Variants in FRMPD3 observed in about 807,000 individuals in gnomAD.
FRMPD3 encodes FERM and PDZ domain-containing protein 3.
Under a neutral mutation model 97.9 loss-of-function variants are expected in FRMPD3, and 42 were observed. That is an observed-to-expected ratio of 0.43 (90% CI 0.34 to 0.55). FRMPD3 has a LOEUF of 0.55. Among genes scored for constraint, FRMPD3 ranks in the 20% least tolerant of loss-of-function variants. FRMPD3 has a pLI of 0.03. For missense variants in FRMPD3, 1,303 were observed against 1,457.7 expected (o/e 0.89, Z 1.73); for synonymous variants, 577 against 581.1 (o/e 0.99, Z 0.10).
chrX:107,593,120 TTTTGA>T (rs1238329265), intron 13 of FRMPD3, among the ~76,000 whole-genome samples: 1 of 111,875 alleles, frequency 8.9e-6, no homozygotes, highest in Non-Finnish European at 1.9e-5. Context: ...TGCATTGTAA[TTTTGA>T]TTTGCATTTC....
intron 1 of FRMPD3, among the ~76,000 whole-genome samples, chrX:107,518,481 C>T (rs1347260467): frequency 9.0e-6 from 1 of 111,308 alleles, no homozygotes; most frequent in Non-Finnish European, 1.9e-5. Context: ...TCCTCGTCAC[C>T]CTGTGAATGT....
intron 12 of FRMPD3, among the ~76,000 whole-genome samples, chrX:107,566,595 T>C (rs1166228561): frequency 8.9e-6 from 1 of 112,450 alleles, no homozygotes; most frequent in Non-Finnish European, 1.9e-5. Flanking sequence ...TCCAACTGAG[T>C]CTTCTATGTT....
At chrX:107,529,668 C>T (rs1028344040) in intron 2 of FRMPD3, among the ~76,000 whole-genome samples, 3 of 111,743 alleles carry the variant, frequency 2.7e-5, no homozygotes, top group African/African-American at 9.8e-5. Flanking sequence ...CTTTGTTCCC[C>T]TCATTTATTG....
chrX:107,479,779 T>C (rs746089006), intron 1 of FRMPD3, among the ~76,000 whole-genome samples: 2 of 109,234 alleles, frequency 1.8e-5, no homozygotes, highest in African/African-American at 6.7e-5. Context: ...CACTGAATCA[T>C]ACACTTAACA....
chrX:107,579,619 CA>C (rs999330677), intron 13 of FRMPD3, among the ~76,000 whole-genome samples: 5 of 111,803 alleles, frequency 4.5e-5, no homozygotes, highest in African/African-American at 1.6e-4. Flanking sequence ...ATAGATACAA[CA>C]GAGCAGCGCC....
chrX:107,485,555 C>T (rs897416979), intron 1 of FRMPD3, among the ~76,000 whole-genome samples: 4 of 112,499 alleles, frequency 3.6e-5, no homozygotes, highest in African/African-American at 1.3e-4. Context: ...CACCTCAGTG[C>T]TGTGTTCAAT....
intron 2 of FRMPD3, among the ~76,000 whole-genome samples, chrX:107,528,140 A>G (rs913018843): frequency 3.6e-5 from 4 of 111,252 alleles, no homozygotes; most frequent in African/African-American, 1.3e-4. Context: ...GAACCACAAA[A>G]AGCCATGGGG....
chrX:107,494,156 A>G (rs1921725180), intron 1 of FRMPD3, among the ~76,000 whole-genome samples: 1 of 112,254 alleles, frequency 8.9e-6, no homozygotes, highest in Non-Finnish European at 1.9e-5. Flanking sequence ...CCTGCTATGC[A>G]TTTATGCATT....
chrX:107,579,138 C>T (rs1602843014), intron 13 of FRMPD3, among the ~76,000 whole-genome samples: 1 of 111,893 alleles, frequency 8.9e-6, no homozygotes, highest in East Asian at 2.8e-4. Flanking sequence ...CTGGGCTTTT[C>T]CCCCAGGGTC....
chrX:107,530,484 C>A lies in FRMPD3; in HGVS notation c.224C>A (p.Pro75Gln), dbSNP rs760069538. 1 of 1,191,067 alleles carries A rather than the reference C, an allele frequency of 8.4e-7. No individual in the cohort carries two copies. The highest frequency in any genetic ancestry group is 3.0e-5 in the East Asian group (1 of 33,094). The change falls in exon 3 of 15, where the codon CCG becomes CAG. Residue 75 changes from proline to glutamine, a missense_variant. Around this residue, in one of 3 missense-constraint regions of FRMPD3, gnomAD observed 535 missense variants for 618.6 expected, o/e 0.86. Coordinates refer to ENST00000683843, the MANE Select transcript of FRMPD3 (RefSeq NM_001388459.1). ...AATGAGGAAGACGTGAGTGAAGCCCCGAGGGAGAGACTCATAGAACTTATC... is the reference window on the plus strand; with the variant it reads ...AATGAGGAAGACGTGAGTGAAGCCCAGAGGGAGAGACTCATAGAACTTATC... ...AINEEDVSEA[P>Q]RERLIELIRS...
At chrX:107,476,338 A>G (rs1354436979) in intron 1 of FRMPD3, among the ~76,000 whole-genome samples, 1 of 112,771 alleles carries the variant, frequency 8.9e-6, no homozygotes. Flanking sequence ...TGAGTGAAGG[A>G]AAAAAGGTAT....
intron 3 of FRMPD3, among the ~76,000 whole-genome samples, chrX:107,531,219 A>C (rs752832124): frequency 7.2e-5 from 8 of 111,068 alleles, no homozygotes; most frequent in African/African-American, 2.6e-4. Context: ...AAAAGGAATT[A>C]GAGAATAAGA....
At chrX:107,519,841 C>T (rs1922453201) in intron 1 of FRMPD3, among the ~76,000 whole-genome samples, 1 of 111,735 alleles carries the variant, frequency 8.9e-6, no homozygotes, top group Non-Finnish European at 1.9e-5. Context: ...CAAAGCAAAA[C>T]CAAAAACCCC....
rs754225925 is a variant in FRMPD3 at position 107,530,536 on chromosome X, C to T, written c.251+25C>T. 2.9e-6 allele frequency: 3 copies of T among 1,047,648 alleles called. No individual in the cohort carries two copies. The Admixed American group carries it at 7.7e-5, about 27-fold the overall frequency. The allele number at this position is 1,047,648 out of a possible 1,213,427, so 86.3% of individuals were successfully genotyped here. The stretch of plus-strand genomic sequence containing the variant: ...GGTAACAGGGGCCTTTTGGCAGGAA[C>T]TGATCAGTATCCCCACCCCTGACTC... On this transcript the variant is annotated intron_variant, in intron 3 of 14. Coordinates refer to ENST00000683843, the MANE Select transcript of FRMPD3 (RefSeq NM_001388459.1).
chrX:107,490,242 C>T (rs1921622495), intron 1 of FRMPD3, among the ~76,000 whole-genome samples: 1 of 112,001 alleles, frequency 8.9e-6, no homozygotes, highest in South Asian at 3.7e-4. Context: ...TTACTGTAGC[C>T]TTGTAGTATA....
intron 1 of FRMPD3, among the ~76,000 whole-genome samples, chrX:107,511,154 C>T (rs1220030183): frequency 8.9e-6 from 1 of 112,183 alleles, no homozygotes; most frequent in African/African-American, 3.2e-5. Flanking sequence ...CGGAGCCAGA[C>T]ATGAGAGAGG....
intron 1 of FRMPD3, among the ~76,000 whole-genome samples, chrX:107,516,727 T>G (rs1287374596): frequency 7.2e-5 from 8 of 110,782 alleles, no homozygotes; most frequent in African/African-American, 1.6e-4. Context: ...GGGGTTGTTT[T>G]TTTTTTTCTT....
chrX:107,488,036 T>C (rs1921552590), intron 1 of FRMPD3, among the ~76,000 whole-genome samples: 1 of 111,301 alleles, frequency 9.0e-6, no homozygotes, highest in South Asian at 3.8e-4. Context: ...TTCCCCTTTC[T>C]CCTCCTTCTC....
chrX:107,601,585 GAGCACCATGCCCTCTAGGA>G lies in FRMPD3; in HGVS notation c.3550_3568del (p.Thr1184LeufsTer53). 3 of 1,206,920 alleles carry G rather than the reference GAGCACCATGCCCTCTAGGA, an allele frequency of 2.5e-6. No homozygotes were observed. The highest frequency in any genetic ancestry group is 3.4e-6 in the Non-Finnish European group (3 of 893,587). ...GGTCTCAGGCTGCCAGCCGGCAGGT[GAGCACCATGCCCTCTAGGA>G]AGCTTGAAACAACTCTCAATGGAGC... On this transcript the variant is annotated frameshift_variant, in exon 15 of 15. Transcript: ENST00000683843. LOFTEE classifies it high-confidence loss of function.
Sources: allele counts gnomAD v4.1 joint callset (sites outside exome capture counted in the v4.1 genomes callset), GRCh38; gene constraint gnomAD v4.1.1; regional missense constraint gnomAD v4.1.1; transcripts MANE v1.5; gene names NCBI Gene and HGNC (gene_info 2026-07-23, HGNC 2026-07-21).